The following CMSS1 variants were observed in gnomAD, a reference collection of about 807,000 sequenced individuals.
The protein encoded by CMSS1 is cms1 ribosomal small subunit homolog.
CMSS1 carries 33 observed loss-of-function variants against 43.5 expected under a neutral mutation model. The ratio of observed to expected loss-of-function variants is 0.76; its 90% CI spans 0.57 to 1.01. CMSS1 has a LOEUF of 1.01. Among genes scored for constraint, CMSS1 ranks in the 50% least tolerant of loss-of-function variants. The pLI, the probability that CMSS1 is intolerant of heterozygous loss-of-function variation, is 0.00. For synonymous variants in CMSS1, 115 were observed against 117.2 expected (o/e 0.98, Z 0.12); for missense variants, 313 against 326.4 (o/e 0.96, Z 0.32).
At chr3:100,166,472 G>A (rs1479832372) in intron 5 of CMSS1, 78 bp downstream of exon 5, 32 of 977,900 alleles carry the variant, frequency 3.3e-5, no homozygotes, top group South Asian at 1.9e-4. Flanking sequence ...TTTTGGTCTC[G>A]TTTTTGTTTT....
At chr3:100,049,232 CAAAT>C (rs1486272391) in intron 1 of CMSS1, among the ~76,000 whole-genome samples, 11 of 152,114 alleles carry the variant, frequency 7.2e-5, no homozygotes, top group African/African-American at 1.2e-4. Flanking sequence ...ATCATGGTAA[CAAAT>C]AAACTGTTCT....
At chr3:100,176,567 A>G in intron 9 of CMSS1, 152 bp downstream of exon 9, 3 of 587,126 alleles carry the variant, frequency 5.1e-6, no homozygotes, top group South Asian at 4.2e-5. Flanking sequence ...CTATAATTAT[A>G]GAGGCCACCT....
At position 99,961,247 on chromosome 3, in the gene CMSS1, T is replaced by A. The variant is rs140463078; in HGVS notation, c.64+143204T>A. 4.2e-3 allele frequency among the ~76,000 whole-genome samples: 634 copies of A among 152,332 alleles called. 4 individuals are homozygous for A. The highest frequency in any genetic ancestry group is 0.015 in the African/African-American group (605 of 41,580). On this transcript the variant is annotated intron_variant, in intron 1 of 9. Coordinates refer to ENST00000421999, the MANE Select transcript of CMSS1 (RefSeq NM_032359.4). ...GATCCGGACTTGCCTCTTGCAGGTG[T>A]TATCCCCTGTGTTGGAATGCTGGGT...
chr3:100,168,431 G>C (rs962513639), intron 6 of CMSS1, among the ~76,000 whole-genome samples: 1 of 152,100 alleles, frequency 6.6e-6, no homozygotes, highest in African/African-American at 2.4e-5. Flanking sequence ...ACAGCAGATT[G>C]TGCCTATAAT....
At chr3:99,885,686 A>G (rs1177877504) in intron 1 of CMSS1, among the ~76,000 whole-genome samples, 1 of 152,304 alleles carries the variant, frequency 6.6e-6, no homozygotes, top group East Asian at 1.9e-4. Flanking sequence ...TCTGTCATCT[A>G]TTTGTGGCTA....
chr3:99,864,696 G>A (rs1472830002), intron 1 of CMSS1, among the ~76,000 whole-genome samples: 1 of 151,786 alleles, frequency 6.6e-6, no homozygotes, highest in Non-Finnish European at 1.5e-5. Flanking sequence ...TCTCCTCTTT[G>A]CTCACTCTGC....
chr3:99,947,137 C>CAAAAAAAA (rs397829321), intron 1 of CMSS1, among the ~76,000 whole-genome samples: 1 of 88,800 alleles, frequency 1.1e-5, no homozygotes, highest in Non-Finnish European at 2.1e-5. Context: ...GACTCTGTCT[C>CAAAAAAAA]AAAAAAAAAA....
At chr3:100,149,864 G>T (rs367698183) in intron 2 of CMSS1, among the ~76,000 whole-genome samples, 3 of 152,238 alleles carry the variant, frequency 2.0e-5, no homozygotes, top group African/African-American at 7.2e-5. Flanking sequence ...CTTTGTCCCA[G>T]CTTGTGAGCT....
chr3:100,036,407 T>C (rs1194374021), intron 1 of CMSS1, among the ~76,000 whole-genome samples: 1 of 152,188 alleles, frequency 6.6e-6, no homozygotes. Flanking sequence ...CAGAGTTGGC[T>C]TGAAAGGACT....
chr3:99,872,639 A>C (rs1268421066), intron 1 of CMSS1, among the ~76,000 whole-genome samples: 2 of 152,144 alleles, frequency 1.3e-5, no homozygotes, highest in African/African-American at 4.8e-5. Context: ...ACAATTTATC[A>C]TATTTTGGAG....
intron 1 of CMSS1, among the ~76,000 whole-genome samples, chr3:100,078,890 CA>C (rs199956080): frequency 6.6e-6 from 1 of 151,082 alleles, no homozygotes; most frequent in African/African-American, 2.4e-5. Flanking sequence ...GACTCCATAT[CA>C]AAAAAAACGG....
intron 1 of CMSS1, among the ~76,000 whole-genome samples, chr3:99,888,504 A>G (rs1358019003): frequency 1.3e-5 from 2 of 152,212 alleles, no homozygotes; most frequent in Non-Finnish European, 2.9e-5. Context: ...ACAAAACAAA[A>G]CAAAACAAAA....
At chr3:99,827,047 C>T (rs181017676) in intron 1 of CMSS1, among the ~76,000 whole-genome samples, 1 of 152,320 alleles carries the variant, frequency 6.6e-6, no homozygotes. Flanking sequence ...AGTTGTGTTA[C>T]ATATAGGTCA....
At chr3:99,946,266 T>A (rs1007988298) in intron 1 of CMSS1, among the ~76,000 whole-genome samples, 1 of 152,204 alleles carries the variant, frequency 6.6e-6, no homozygotes, top group African/African-American at 2.4e-5. Context: ...GCTTTAAAGT[T>A]TTCTGAATTT....
chr3:100,144,439 A>AGTG (rs1393742959), intron 1 of CMSS1, among the ~76,000 whole-genome samples: 5 of 152,092 alleles, frequency 3.3e-5, no homozygotes, highest in Admixed American at 1.3e-4. Context: ...TTGATACTGC[A>AGTG]GTGGTGGTGG....
intron 1 of CMSS1, among the ~76,000 whole-genome samples, chr3:99,835,446 C>G (rs1185066074): frequency 6.6e-6 from 1 of 152,216 alleles, no homozygotes; most frequent in East Asian, 1.9e-4. Context: ...TGCAGGCCAG[C>G]TATGGCTACC....
chr3:99,853,237 G>T (rs1943793935), intron 1 of CMSS1, among the ~76,000 whole-genome samples: 1 of 152,298 alleles, frequency 6.6e-6, no homozygotes, highest in South Asian at 2.1e-4. Context: ...TCCTGCCTTA[G>T]CATTAGAATT....
At chr3:99,837,267 T>C (rs1261272836) in intron 1 of CMSS1, among the ~76,000 whole-genome samples, 1 of 152,202 alleles carries the variant, frequency 6.6e-6, no homozygotes, top group African/African-American at 2.4e-5. Flanking sequence ...TCTTGTGTTA[T>C]GGAACTTTTG....
chr3:100,000,825 G>A (rs1295288202), intron 1 of CMSS1, among the ~76,000 whole-genome samples: 1 of 152,222 alleles, frequency 6.6e-6, no homozygotes, highest in African/African-American at 2.4e-5. Context: ...ATAACATACA[G>A]ATTGGTTTAC....
Sources: allele counts gnomAD v4.1 joint callset (sites outside exome capture counted in the v4.1 genomes callset), GRCh38; gene constraint gnomAD v4.1.1; transcripts MANE v1.5; gene names NCBI Gene and HGNC (gene_info 2026-07-23, HGNC 2026-07-21).